Variants in KLF12 observed in about 807,000 individuals in gnomAD.
The protein encoded by KLF12 is Krueppel-like factor 12.
In KLF12, 9 loss-of-function variants were observed where a neutral mutation model predicts 37.8. That is an observed-to-expected ratio of 0.24 (90% CI 0.14 to 0.42). The LOEUF (loss-of-function observed/expected upper bound fraction) is 0.42. KLF12 is among the 10% of genes least tolerant of loss of function. KLF12 has a pLI of 1.00. For missense variants in KLF12, 411 were observed against 516.0 expected (o/e 0.80, Z 1.97); for synonymous variants, 208 against 202.1 (o/e 1.03, Z -0.25).
chr13:73,790,705 C>T (rs1881636090), intron 5 of KLF12, among the ~76,000 whole-genome samples: 1 of 152,210 alleles, frequency 6.6e-6, no homozygotes, highest in African/African-American at 2.4e-5. Context: ...CGCTAAGAAA[C>T]CAAAGAACTC....
At chr13:74,138,494 G>A (rs1878621151), upstream of KLF12, among the ~76,000 whole-genome samples, 1 of 152,172 alleles carries the variant, frequency 6.6e-6, no homozygotes. Context: ...GCAAACAGCT[G>A]GTGATATTAT....
the KLF12 span, among the ~76,000 whole-genome samples, chr13:74,170,107 T>C: frequency 1.3e-5 from 2 of 152,144 alleles, no homozygotes; most frequent in South Asian, 2.1e-4. Flanking sequence ...ACCACAACCA[T>C]TGATATTTAT....
intron 5 of KLF12, among the ~76,000 whole-genome samples, chr13:73,787,993 A>C (rs1452279973): frequency 1.3e-5 from 2 of 152,180 alleles, no homozygotes; most frequent in Non-Finnish European, 2.9e-5. Context: ...ATTTAATAAA[A>C]GTATTTTAGG....
At chr13:73,845,783 A>G in intron 4 of KLF12, 44 bp downstream of exon 4, 1 of 1,550,044 alleles carries the variant, frequency 6.5e-7, no homozygotes, top group Non-Finnish European at 8.8e-7. Flanking sequence ...AAATGAAGTC[A>G]CCTCTAGTGC....
At chr13:74,107,796 T>C (rs953268119) in intron 1 of KLF12, among the ~76,000 whole-genome samples, 1 of 152,174 alleles carries the variant, frequency 6.6e-6, no homozygotes, top group Non-Finnish European at 1.5e-5. Flanking sequence ...CAGGAATCGA[T>C]GAAGAGCAAA....
the KLF12 span, among the ~76,000 whole-genome samples, chr13:74,141,066 CA>C: frequency 4.0e-4 from 58 of 144,230 alleles, no homozygotes; most frequent in Admixed American, 3.1e-3. Context: ...CTGTCTCAAA[CA>C]AAAAAAAAAG....
chr13:74,159,944 G>A, the KLF12 span, among the ~76,000 whole-genome samples: 100 of 145,038 alleles, frequency 6.9e-4, 1 homozygote, highest in South Asian at 7.0e-3. Context: ...CAATGATGCA[G>A]TGAGCCAAGA....
At chr13:73,822,862 G>A (rs1883605461) in intron 4 of KLF12, among the ~76,000 whole-genome samples, 2 of 152,170 alleles carry the variant, frequency 1.3e-5, no homozygotes, top group African/African-American at 4.8e-5. Context: ...GGAGCCCTCT[G>A]AGATATCACC....
the KLF12 span, among the ~76,000 whole-genome samples, chr13:74,253,025 G>A: frequency 0.029 from 2,316 of 80,156 alleles, 30 homozygotes; most frequent in African/African-American, 0.22. Context: ...CTATCTATCT[G>A]TCTGTCTATC....
rs188116986 is a variant in KLF12, at chr13:73,709,929, A to C, written c.1027+5439T>G. Among the ~76,000 whole-genome samples, 247 of 152,322 alleles carry C rather than the reference A, an allele frequency of 1.6e-3. 2 individuals are homozygous for C. Among genetic ancestry groups the C allele is most frequent in the African/African-American group, 5.8e-3 (242 of 41,568 alleles). ...ATCAATTACCTGGCACAGATGAAGA[A>C]GCTGAAACAGACAGCAAAAATAATG... On this transcript the variant is annotated intron_variant, in intron 7 of 7. Coordinates refer to ENST00000377669, the MANE Select transcript of KLF12 (RefSeq NM_007249.5).
In KLF12 at chr13:74,103,678, T is replaced by G. The variant is rs538252879; in HGVS notation, c.-32+30061A>C. ...ACATAAACAACCAAAATTAAGGAAA[T>G]GTTTCATTTTCTTTGAGATGATCCC... On this transcript the variant is annotated intron_variant, in intron 1 of 7. Coordinates refer to ENST00000377669, the MANE Select transcript of KLF12 (RefSeq NM_007249.5). Among the ~76,000 whole-genome samples, 6 of 152,344 alleles carry G rather than the reference T, an allele frequency of 3.9e-5. No individual in the cohort carries two copies. The East Asian group carries it at 1.2e-3, about 29-fold the overall frequency.
At chr13:74,125,144 CAAA>C (rs71115643) in intron 1 of KLF12, among the ~76,000 whole-genome samples, 1 of 121,454 alleles carries the variant, frequency 8.2e-6, no homozygotes, top group Admixed American at 9.1e-5. Flanking sequence ...GACTCCGTTT[CAAA>C]AAAAAAAATA....
chr13:73,880,497 T>C (rs988090745), intron 3 of KLF12, among the ~76,000 whole-genome samples: 33 of 152,206 alleles, frequency 2.2e-4, no homozygotes, highest in African/African-American at 7.7e-4. Context: ...TGGGTCCTGA[T>C]GAGGAATTGC....
intron 5 of KLF12, among the ~76,000 whole-genome samples, chr13:73,797,278 C>T (rs371626335): frequency 3.9e-5 from 6 of 152,282 alleles, no homozygotes; most frequent in East Asian, 3.9e-4. Context: ...AAGAGCTCCA[C>T]TTGGATGTTT....
At chr13:74,051,031 TAAC>T (rs1434423640) in intron 1 of KLF12, among the ~76,000 whole-genome samples, 1 of 152,018 alleles carries the variant, frequency 6.6e-6, no homozygotes, top group East Asian at 1.9e-4. Context: ...AAAACACAAA[TAAC>T]AAGTGTTGGT....
At chr13:73,952,873 A>G (rs1890694994) in intron 2 of KLF12, among the ~76,000 whole-genome samples, 1 of 152,222 alleles carries the variant, frequency 6.6e-6, no homozygotes, top group Non-Finnish European at 1.5e-5. Context: ...CAGCCAGCTC[A>G]CAGCCCACCA....
chr13:73,791,725 T>C (rs1003338286), intron 5 of KLF12, among the ~76,000 whole-genome samples: 1 of 152,204 alleles, frequency 6.6e-6, no homozygotes, highest in Admixed American at 6.5e-5. Context: ...TTATATAAAT[T>C]ACCCCCAAAT....
chr13:74,023,177 T>A (rs1291948703), intron 1 of KLF12, among the ~76,000 whole-genome samples: 1 of 152,212 alleles, frequency 6.6e-6, no homozygotes, highest in Non-Finnish European at 1.5e-5. Flanking sequence ...GGGATCCTAG[T>A]ATGGAATAGC....
chr13:73,938,568 G>A (rs1405113104), intron 3 of KLF12, among the ~76,000 whole-genome samples: 3 of 152,202 alleles, frequency 2.0e-5, no homozygotes, highest in East Asian at 3.8e-4. Flanking sequence ...ATAAGCTCCT[G>A]TGCTGAGATG....
Sources: allele counts gnomAD v4.1 joint callset (sites outside exome capture counted in the v4.1 genomes callset), GRCh38; gene constraint gnomAD v4.1.1; transcripts MANE v1.5; gene names NCBI Gene and HGNC (gene_info 2026-07-23, HGNC 2026-07-21).